Variants in TCTN2 observed in about 807,000 individuals in gnomAD.
TCTN2 encodes the protein tectonic family member 2.
TCTN2 carries 66 observed loss-of-function variants against 83.4 expected under a neutral mutation model. The ratio of observed to expected loss-of-function variants is 0.79; its 90% confidence interval spans 0.65 to 0.97. The LOEUF (loss-of-function observed/expected upper bound fraction) is 0.97, where lower values mean the gene tolerates loss of function less well. Among genes scored for constraint, TCTN2 ranks in the 50% least tolerant of loss-of-function variants. TCTN2 has a pLI of 0.00. For missense variants in TCTN2, 794 were observed against 858.1 expected (o/e 0.93, Z 0.93); for synonymous variants, 301 against 326.7 (o/e 0.92, Z 0.85).
intron 5 of TCTN2, among the ~76,000 whole-genome samples, chr12:123,683,342 G>A (rs1394178192): frequency 4.7e-5 from 7 of 149,916 alleles, no homozygotes; most frequent in Non-Finnish European, 8.9e-5. Context: ...GAGCAGTGGT[G>A]CCATCTCCGC....
chr12:123,674,924 C>G (rs1955802928), intron 4 of TCTN2, among the ~76,000 whole-genome samples: 1 of 152,074 alleles, frequency 6.6e-6, no homozygotes, highest in South Asian at 2.1e-4. Flanking sequence ...CAGGCTGGAG[C>G]TAGAGTGCAG....
rs1956057875 is a variant in TCTN2 at position 123,692,700 on chromosome 12, T to C, written c.1076T>C (p.Leu359Pro). ...GTGATCTATGAGGAAGCAACTGACC[T>C]AGACAAATTCATCACCAATACAGGT... ...PKVIYEEATD[L>P]DKFITNTETP... The change falls in exon 9 of 18, where the codon CTA (leucine) becomes CCA (proline). Residue 359 changes from leucine (L) to proline (P), a missense_variant. Leu to Pro is a moderately conservative substitution (Grantham distance 98). Transcript: ENST00000303372. 1.2e-6 allele frequency: 2 copies of C among 1,613,670 alleles called. No homozygotes were observed. The highest frequency in any genetic ancestry group is 1.7e-6 in the Non-Finnish European group (2 of 1,179,584).
At position 123,673,817 on chromosome 12, in the gene TCTN2, G is replaced by A. The variant is rs1369226704; in HGVS notation, c.463+7G>A. ...CTGACCCATAATGCCTCAGGCAAGT[G>A]AAGTCTTTGACTGTCAAAACTTTCA... On this transcript the variant is annotated splice_region_variant and intron_variant, in intron 4 of 17. Coordinates refer to ENST00000303372, the MANE Select transcript of TCTN2 (RefSeq NM_024809.5). 2 of 1,613,638 alleles carry A rather than the reference G, an allele frequency of 1.2e-6. No homozygotes were observed. The highest frequency in any genetic ancestry group is 4.5e-5 in the East Asian group (2 of 44,888).
At chr12:123,680,235 C>T (rs932222305) in intron 5 of TCTN2, among the ~76,000 whole-genome samples, 1 of 150,840 alleles carries the variant, frequency 6.6e-6, no homozygotes, top group African/African-American at 2.4e-5. Flanking sequence ...GCCTGTAATC[C>T]CAGCTACTCT....
chr12:123,697,258 C>A, intron 13 of TCTN2, 60 bp downstream of exon 13: 1 of 1,203,120 alleles, frequency 8.3e-7, no homozygotes, highest in Non-Finnish European at 1.2e-6. Flanking sequence ...AATTAATTCA[C>A]TACATGAATA....
At position 123,699,634 on chromosome 12, in the gene TCTN2, C is replaced by T; in HGVS notation, c.1506-70C>T. ...TAGGCACTCGGAAGTGAAACCCGGA[C>T]ATTCACTGGAAATGACTTTAGGACA... is the stretch of plus-strand genomic sequence containing the variant. On this transcript the variant is annotated intron_variant, in intron 13 of 17. Transcript: ENST00000303372. 4.8e-6 allele frequency: 6 copies of T among 1,260,260 alleles called. No homozygotes were observed. The South Asian group carries it at 7.2e-5, about 15-fold the overall frequency. 78.1% of individuals were successfully genotyped at this position (1,260,260 alleles called of 1,614,324 possible).
At chr12:123,672,228 C>T (rs1424642419) in intron 3 of TCTN2, 96 bp downstream of exon 3, 21 of 1,087,776 alleles carry the variant, frequency 1.9e-5, no homozygotes, top group Non-Finnish European at 2.6e-5. Flanking sequence ...ATGGCTTTCT[C>T]CATGCTCTCA....
chr12:123,676,291 G>A (rs868575675), intron 4 of TCTN2, among the ~76,000 whole-genome samples: 21 of 151,382 alleles, frequency 1.4e-4, no homozygotes, highest in Middle Eastern at 6.9e-3. Flanking sequence ...AAAAAAGACC[G>A]GGCGCGGTGG....
intron 5 of TCTN2, among the ~76,000 whole-genome samples, chr12:123,683,665 G>A (rs987332798): frequency 6.6e-6 from 1 of 152,040 alleles, no homozygotes; most frequent in Non-Finnish European, 1.5e-5. Flanking sequence ...TTGAGACGGA[G>A]CCTCGCTCTG....
At chr12:123,674,529 A>G (rs1244429525) in intron 4 of TCTN2, among the ~76,000 whole-genome samples, 1 of 152,134 alleles carries the variant, frequency 6.6e-6, no homozygotes, top group Non-Finnish European at 1.5e-5. Context: ...CGGCCTCCCA[A>G]AGTGCTGGGA....
Position 123,707,912 on chromosome 12 carries a change from A to T in TCTN2, c.*199A>T. ...TTTAGTAGAGACAGGGTTCCACCGT[A>T]TTGGCCAGGCTGCTCTCGAACTCCT... On this transcript the variant is annotated 3_prime_UTR_variant, in exon 18 of 18. Coordinates refer to ENST00000303372, the MANE Select transcript of TCTN2 (RefSeq NM_024809.5). The T allele has an allele frequency of 2.9e-5, 14 of 474,632 alleles. No individual in the cohort carries two copies. Among genetic ancestry groups the T allele is most frequent in the East Asian group, 1.3e-4 (3 of 22,978 alleles). The allele number at this position is 474,632 out of a possible 1,614,324, so 29.4% of individuals were successfully genotyped here.
chr12:123,697,264 G>A (rs1956121344), intron 13 of TCTN2, 66 bp downstream of exon 13: 1 of 1,129,810 alleles, frequency 8.9e-7, no homozygotes, highest in African/African-American at 1.5e-5. Flanking sequence ...TTCACTACAT[G>A]AATATCAAAG....
intron 6 of TCTN2, among the ~76,000 whole-genome samples, 167 bp from the exon 7 acceptor site, chr12:123,687,884 A>G (rs1421620656): frequency 2.0e-5 from 3 of 150,110 alleles, no homozygotes; most frequent in Non-Finnish European, 4.4e-5. Flanking sequence ...GAATTGCTTG[A>G]ACCTGGGAGG....
intron 16 of TCTN2, 21 bp downstream of exon 16, chr12:123,706,872 G>T (rs1956236637): frequency 6.2e-7 from 1 of 1,614,134 alleles, no homozygotes; most frequent in Non-Finnish European, 8.5e-7. Flanking sequence ...TGCTCACCTA[G>T]TTGACATTAG....
intron 5 of TCTN2, among the ~76,000 whole-genome samples, chr12:123,680,560 A>G (rs1955887192): frequency 7.0e-6 from 1 of 143,608 alleles, no homozygotes; most frequent in African/African-American, 2.6e-5. Context: ...TTTGTTGCCC[A>G]GGCTGGAGTG....
In TCTN2 at chr12:123,690,661, T is replaced by A; in HGVS notation, c.1020T>A (p.Asn340Lys). 1 of 1,614,188 alleles carries A rather than the reference T, an allele frequency of 6.2e-7. No homozygotes were observed. The change falls in exon 8 of 18, where the codon AAT becomes AAA. Residue 340 changes from asparagine (N) to lysine (K), a missense_variant. Coordinates refer to ENST00000303372, the MANE Select transcript of TCTN2 (RefSeq NM_024809.5). ...RDGIINAKIKNVALGGIVTPK... is the reference protein window; with the variant it reads ...RDGIINAKIKKVALGGIVTPK... ...GTATTATCAATGCGAAGATAAAGAA[T>A]GTTGCCTTAGGAGGTATGTTACATT...
intron 7 of TCTN2, 112 bp downstream of exon 7, chr12:123,688,289 C>T: frequency 7.3e-7 from 1 of 1,371,400 alleles, no homozygotes. Context: ...GATCTCGGCT[C>T]ACTGCAACCT....
chr12:123,675,754 A>G (rs960094725), intron 4 of TCTN2, among the ~76,000 whole-genome samples: 2 of 152,242 alleles, frequency 1.3e-5, no homozygotes, highest in African/African-American at 4.8e-5. Context: ...AAGTTGGAGG[A>G]TGATGTGGGA....
chr12:123,694,228 C>T (rs11830487), intron 9 of TCTN2, among the ~76,000 whole-genome samples: 7,788 of 151,782 alleles, frequency 0.051, 643 homozygotes, highest in African/African-American at 0.18. Flanking sequence ...CTCCTGACCT[C>T]GTGATCTGCC....
Sources: gnomAD v4.1 joint callset for allele counts (sites outside exome capture counted in the v4.1 genomes callset) on GRCh38, gnomAD v4.1.1 for gene constraint, MANE v1.5 for transcripts, NCBI Gene and HGNC (gene_info 2026-07-23, HGNC 2026-07-21) for gene names.